NCF1: variants seen among roughly 807,000 people sequenced by gnomAD.
NCF1 encodes neutrophil cytosolic factor 1.
A neutral mutation model predicts 34.9 loss-of-function variants in NCF1; 8 were observed. The ratio of observed to expected loss-of-function variants is 0.23; its 90% confidence interval spans 0.13 to 0.41. The LOEUF is 0.41. NCF1 is among the 10% of genes least tolerant of loss of function. NCF1 has a pLI of 1.00. For missense variants in NCF1, 122 were observed against 362.4 expected (o/e 0.34, Z 5.39); for synonymous variants, 57 against 146.3 (o/e 0.39, Z 4.41).
intron 7 of NCF1, among the ~76,000 whole-genome samples, 158 bp downstream of exon 7, chr7:74,783,790 T>G (rs1457019782): frequency 6.6e-6 from 1 of 152,140 alleles, no homozygotes; most frequent in African/African-American, 2.4e-5. Context: ...CCCTGGCAGG[T>G]TGTGATGCCC....
At position 74,783,510 on chromosome 7, in the gene NCF1, G is replaced by A. The variant is rs1438774332; in HGVS notation, c.575-15G>A. The A allele has an allele frequency of 8.7e-6, 14 of 1,610,190 alleles. No individual in the cohort carries two copies. The highest frequency in any genetic ancestry group is 2.2e-4 in the Middle Eastern group (1 of 4,448). ...GGCCCTGCCCCTCAGTCACATTCCCGCACCTCTGGCACAGGTTGGTGGTTC... is the reference window on the plus strand; with the variant it reads ...GGCCCTGCCCCTCAGTCACATTCCCACACCTCTGGCACAGGTTGGTGGTTC... On this transcript the variant is annotated splice_polypyrimidine_tract_variant and intron_variant, in intron 6 of 10. Coordinates refer to ENST00000289473, the MANE Select transcript of NCF1 (RefSeq NM_000265.7).
chr7:74,785,384 C>T (rs1796652324), intron 8 of NCF1, 85 bp downstream of exon 8: 2 of 506,360 alleles, frequency 3.9e-6, no homozygotes, highest in East Asian at 3.8e-5. Flanking sequence ...GGTGACTTGT[C>T]CCTGGGACTC....
At chr7:74,783,472 C>T in intron 6 of NCF1, 53 bp from the exon 7 acceptor site, 3 of 1,585,304 alleles carry the variant, frequency 1.9e-6, no homozygotes, top group Non-Finnish European at 2.6e-6. Flanking sequence ...CTGATGGCTG[C>T]AGGGAGCCGC....
Position 74,782,977 on chromosome 7 carries a change from A to T in NCF1, c.490A>T (p.Ile164Phe). The T allele has an allele frequency of 1.2e-6, 2 of 1,611,058 alleles. No homozygotes were observed. The highest frequency in any genetic ancestry group is 1.7e-6 in the Non-Finnish European group (2 of 1,179,560). ...GPIILQTYRAIANYEKTSGSE... is the reference protein window; with the variant it reads ...GPIILQTYRAFANYEKTSGSE... ...CATCATCCTGCAGACGTACCGCGCC[A>T]TTGCCAACTACGAGAAGACCTCGGG... Residue 164 changes from isoleucine to phenylalanine, a missense_variant, in exon 6 of 11, where the codon ATT (isoleucine) becomes TTT (phenylalanine). Around this residue, in one of 9 missense-constraint regions of NCF1, gnomAD observed 57 missense variants for 89.3 expected, o/e 0.64. Coordinates refer to ENST00000289473, the MANE Select transcript of NCF1 (RefSeq NM_000265.7).
chr7:74,777,493 A>G lies in NCF1; in HGVS notation c.153+146A>G, dbSNP rs1391632824. The G allele has an allele frequency of 8.2e-6, 7 of 854,836 alleles. No homozygotes were observed. The African/African-American group carries it at 1.2e-4, about 15-fold the overall frequency. 53.0% of individuals were successfully genotyped at this position (854,836 alleles called of 1,614,324 possible). ...AAAGGGGATTTATTTATTTATATAA[A>G]TTTTTGTGACAGGGTCTTGCTCTGT... On this transcript the variant is annotated intron_variant, in intron 2 of 10. Coordinates refer to ENST00000289473, the MANE Select transcript of NCF1 (RefSeq NM_000265.7).
chr7:74,776,989 G>C (rs1796479961), intron 1 of NCF1: 15 of 349,386 alleles, frequency 4.3e-5, no homozygotes, highest in South Asian at 3.0e-4. Flanking sequence ...TGGGATTCCA[G>C]GTGTGAGCCA....
intron 1 of NCF1, among the ~76,000 whole-genome samples, chr7:74,776,017 A>C (rs1295711563): frequency 1.5e-5 from 1 of 68,010 alleles, no homozygotes. Context: ...CACAATCTCC[A>C]CTCACTGCAT....
At position 74,777,262 on chromosome 7, in the gene NCF1, C is replaced by T; in HGVS notation, c.73-5C>T. The stretch of plus-strand genomic sequence containing the variant: ...TGGGGTCCCCCGACTCTGGCTTTCC[C>T]CCAGGTGTACATGTTCCTGGTGAAA... On this transcript the variant is annotated splice_polypyrimidine_tract_variant and splice_region_variant and intron_variant, in intron 1 of 10. Coordinates refer to ENST00000289473, the MANE Select transcript of NCF1 (RefSeq NM_000265.7). 1 of 1,612,888 alleles carries T rather than the reference C, an allele frequency of 6.2e-7. No homozygotes were observed. Among genetic ancestry groups the T allele is most frequent in the Non-Finnish European group, 8.5e-7 (1 of 1,179,300 alleles).
chr7:74,777,609 A>C, intron 2 of NCF1: 1 of 403,502 alleles, frequency 2.5e-6, no homozygotes, highest in Non-Finnish European at 4.8e-6. Flanking sequence ...TTAGGTTTGC[A>C]GTGCAGGGGC....
At chr7:74,775,948 CTT>C (rs782778957) in intron 1 of NCF1, among the ~76,000 whole-genome samples, 226 of 114,150 alleles carry the variant, frequency 2.0e-3, no homozygotes, top group Admixed American at 2.9e-3. Context: ...CTGGATCAGT[CTT>C]TTTTTTTTTT....
intron 5 of NCF1, among the ~76,000 whole-genome samples, chr7:74,782,464 C>A (rs1796588340): frequency 1.3e-5 from 1 of 76,262 alleles, no homozygotes; most frequent in South Asian, 5.1e-4. Context: ...GGGAAAAGGC[C>A]AGGTGCAGTG....
At chr7:74,783,271 G>A (rs1554414070) in intron 6 of NCF1, 2 of 875,492 alleles carry the variant, frequency 2.3e-6, no homozygotes, top group East Asian at 2.7e-5. Context: ...GGCCGGGGCG[G>A]GGCATGTCTG....
At chr7:74,783,255 A>T (rs2523332) in intron 6 of NCF1, 194 bp downstream of exon 6, 106,746 of 1,093,400 alleles carry the variant, frequency 0.098, 9,203 homozygotes, top group African/African-American at 0.43. Context: ...GCATCTGTGC[A>T]TGGCAGGCCG....
chr7:74,787,821 C>G (rs1316902735), intron 8 of NCF1, among the ~76,000 whole-genome samples, 163 bp from the exon 9 acceptor site: 1 of 104,500 alleles, frequency 9.6e-6, no homozygotes, highest in African/African-American at 3.9e-5. Flanking sequence ...GGAAGGGTCT[C>G]AGTTGCACAG....
chr7:74,777,748 G>A, intron 2 of NCF1: 1 of 246,254 alleles, frequency 4.1e-6, no homozygotes, highest in Non-Finnish European at 8.0e-6. Flanking sequence ...TTATAAAGAT[G>A]GGGATCTCAC....
rs1477944510 is a variant in NCF1 at position 74,788,313 on chromosome 7, A to AG, written c.905+232dup. 3.9e-5 allele frequency: 7 copies of AG among 178,930 alleles called. 1 individual carries two copies. Among genetic ancestry groups the AG allele is most frequent in the Non-Finnish European group, 5.9e-5 (7 of 119,050 alleles). The allele number at this position is 178,930 out of a possible 1,614,324, so 11.1% of individuals were successfully genotyped here. On this transcript the variant is annotated intron_variant, in intron 9 of 10. Transcript: ENST00000289473. ...CGGGGGCTTTGGGGATGGGCAGTCC[A>AG]GGGGGGGTCCCCGGAGAGGGGGACG...
At chr7:74,786,023 A>G (rs1408650616) in intron 8 of NCF1, among the ~76,000 whole-genome samples, 2 of 122,462 alleles carry the variant, frequency 1.6e-5, no homozygotes, top group Admixed American at 1.8e-4. Flanking sequence ...ACTCAAGGCT[A>G]CAAGTTCAAG....
At chr7:74,777,517 G>A in intron 2 of NCF1, 170 bp downstream of exon 2, 1 of 794,838 alleles carries the variant, frequency 1.3e-6, no homozygotes, top group Non-Finnish European at 2.0e-6. Context: ...GTCTTGCTCT[G>A]TCACCACTCT....
intron 8 of NCF1, among the ~76,000 whole-genome samples, chr7:74,787,525 G>A (rs1369161208): frequency 6.6e-6 from 1 of 152,084 alleles, no homozygotes; most frequent in Non-Finnish European, 1.5e-5. Context: ...GAGACAGAAG[G>A]CAGTTAACAT....
Sources: allele counts gnomAD v4.1 joint callset (sites outside exome capture counted in the v4.1 genomes callset), GRCh38; gene constraint gnomAD v4.1.1; regional missense constraint gnomAD v4.1.1; transcripts MANE v1.5; gene names NCBI Gene and HGNC (gene_info 2026-07-23, HGNC 2026-07-21).